Variants in ATXN7 observed in about 807,000 individuals in gnomAD.
The protein encoded by ATXN7 is ataxin-7.
Under a neutral mutation model 70.5 loss-of-function variants are expected in ATXN7, and 12 were observed. That is an observed-to-expected ratio of 0.17 (90% CI 0.11 to 0.28). The LOEUF is 0.28. ATXN7 is among the 10% of genes least tolerant of loss of function. The pLI is 1.00. For synonymous variants in ATXN7, 498 were observed against 448.7 expected, an observed-to-expected ratio of 1.11 and a Z score of -1.39; for missense variants, 1,256 against 1,131.7, an observed-to-expected ratio of 1.11 and a Z score of -1.58.
intron 1 of ATXN7, among the ~76,000 whole-genome samples, chr3:63,881,943 C>G (rs1342034716): frequency 6.6e-6 from 1 of 152,164 alleles, no homozygotes; most frequent in African/African-American, 2.4e-5. Flanking sequence ...GTTGAAAATA[C>G]TTTGGAAGCA....
chr3:63,988,409 G>A (rs137873706), intron 9 of ATXN7, 85 bp downstream of exon 9: 1 of 1,522,804 alleles, frequency 6.6e-7, no homozygotes, highest in African/African-American at 1.4e-5. Flanking sequence ...TCATGCTGTT[G>A]AGAAACATAT....
At chr3:63,909,419 C>G (rs2107287177) in intron 2 of ATXN7, among the ~76,000 whole-genome samples, 1 of 151,842 alleles carries the variant, frequency 6.6e-6, no homozygotes. Flanking sequence ...CACATACACA[C>G]AAAAAAAATT....
chr3:63,901,792 A>G (rs1272643190), intron 2 of ATXN7: 2 of 152,220 alleles, frequency 1.3e-5, no homozygotes, highest in Non-Finnish European at 2.9e-5. Flanking sequence ...TGTATAACAC[A>G]GTGGAATATT....
intron 4 of ATXN7, among the ~76,000 whole-genome samples, chr3:63,943,883 G>C (rs376597272): frequency 6.6e-6 from 1 of 152,104 alleles, no homozygotes; most frequent in Non-Finnish European, 1.5e-5. Flanking sequence ...TCACTCTATT[G>C]CATCAGCCTT....
intron 5 of ATXN7, among the ~76,000 whole-genome samples, chr3:63,977,840 G>A (rs2075414953): frequency 6.6e-6 from 1 of 152,292 alleles, no homozygotes; most frequent in East Asian, 1.9e-4. Context: ...GTAAGGAGGA[G>A]GAGATGATAG....
intron 8 of ATXN7, among the ~76,000 whole-genome samples, chr3:63,986,533 T>C (rs1208397983): frequency 6.6e-6 from 1 of 152,212 alleles, no homozygotes; most frequent in Non-Finnish European, 1.5e-5. Context: ...CATTCGTTCT[T>C]TCAACACACG....
rs1261545027 is a variant in ATXN7, at chr3:63,952,566, A to G, written c.499+83A>G. On this transcript the variant is annotated intron_variant, in intron 5 of 12. Transcript: ENST00000674280. ...AAACTAAGGAACAGTGATGGCATGC[A>G]TGGGACATAATGTCCCTCCCCCACC... 20 of 833,670 alleles carry G rather than the reference A, an allele frequency of 2.4e-5. No individual in the cohort carries two copies. The East Asian group carries it at 5.5e-4, about 23-fold the overall frequency. 51.6% of individuals were successfully genotyped at this position (833,670 alleles called of 1,614,324 possible).
chr3:63,988,704 C>A (rs2075618080), intron 9 of ATXN7, among the ~76,000 whole-genome samples: 1 of 152,160 alleles, frequency 6.6e-6, no homozygotes, highest in Non-Finnish European at 1.5e-5. Flanking sequence ...GGAATTCTTG[C>A]TAGGGACAAG....
intron 4 of ATXN7, among the ~76,000 whole-genome samples, chr3:63,938,669 A>G (rs2074705024): frequency 6.6e-6 from 1 of 152,232 alleles, no homozygotes; most frequent in African/African-American, 2.4e-5. Flanking sequence ...GTCAGCTGTG[A>G]GGCACCATGA....
chr3:63,982,475 C>T lies in ATXN7; in HGVS notation c.1012+30C>T, dbSNP rs376173175. ...CTTCAAATTTTCTTTCTTCATAATG[C>T]TTCTCTATATATTAAATGGGCATTC... On this transcript the variant is annotated intron_variant, in intron 7 of 12. Transcript: ENST00000674280. The T allele has an allele frequency of 2.3e-5, 36 of 1,534,060 alleles. No homozygotes were observed. The African/African-American group carries it at 4.3e-4, about 18-fold the overall frequency.
Position 63,996,073 on chromosome 3 carries a change from A to G in ATXN7, c.2251A>G (p.Thr751Ala). ...HSGPPYPSTV[T>A]SSHSIGLNCV... The stretch of plus-strand genomic sequence containing the variant: ...TGGGCCTCCCTACCCCTCAACGGTA[A>G]CATCTTCCCATAGCATCGGCCTCAA... The change falls in exon 12 of 13, where the codon ACA becomes GCA. Residue 751 changes from threonine to alanine, a missense_variant. Thr to Ala is a moderately conservative substitution (Grantham distance 58, BLOSUM62 0). Transcript: ENST00000674280. 6.2e-7 allele frequency: 1 copy of G among 1,614,188 alleles called. No homozygotes were observed. Among genetic ancestry groups the G allele is most frequent in the East Asian group, 2.2e-5 (1 of 44,878 alleles).
intron 5 of ATXN7, among the ~76,000 whole-genome samples, chr3:63,960,260 C>T (rs1292431910): frequency 1.3e-5 from 2 of 152,142 alleles, no homozygotes; most frequent in African/African-American, 4.8e-5. Context: ...GTGAGGAGGC[C>T]TAAGGACAGT....
chr3:63,971,815 G>A (rs757647907), intron 5 of ATXN7, among the ~76,000 whole-genome samples: 3 of 152,160 alleles, frequency 2.0e-5, no homozygotes, highest in Non-Finnish European at 4.4e-5. Flanking sequence ...TAGATATTGT[G>A]CAGATTTGGA....
intron 1 of ATXN7, among the ~76,000 whole-genome samples, chr3:63,883,479 C>T (rs1575844097): frequency 6.6e-6 from 1 of 152,146 alleles, no homozygotes; most frequent in East Asian, 1.9e-4. Flanking sequence ...ACTAGGTACC[C>T]CTGCTGCTCA....
chr3:63,972,010 T>TA (rs1439229229), intron 5 of ATXN7, among the ~76,000 whole-genome samples: 2 of 152,196 alleles, frequency 1.3e-5, no homozygotes, highest in Non-Finnish European at 2.9e-5. Context: ...CTTAAGGAGT[T>TA]ATAATCCTTG....
intron 4 of ATXN7, among the ~76,000 whole-genome samples, chr3:63,931,658 T>C (rs1445548756): frequency 6.6e-6 from 1 of 152,200 alleles, no homozygotes; most frequent in African/African-American, 2.4e-5. Flanking sequence ...TCAAATACCC[T>C]TGACTGTATT....
chr3:63,916,652 G>A (rs1445855023), intron 4 of ATXN7, among the ~76,000 whole-genome samples: 2 of 152,192 alleles, frequency 1.3e-5, no homozygotes, highest in Non-Finnish European at 2.9e-5. Flanking sequence ...GGTTAATGTT[G>A]TGGCAGAAGG....
At chr3:63,968,796 G>T (rs1378081909) in intron 5 of ATXN7, among the ~76,000 whole-genome samples, 1 of 152,148 alleles carries the variant, frequency 6.6e-6, no homozygotes. Flanking sequence ...CTGTCTTCAT[G>T]CGGGAAGTGA....
chr3:63,877,256 T>C (rs1019034058), intron 1 of ATXN7, among the ~76,000 whole-genome samples: 1 of 152,190 alleles, frequency 6.6e-6, no homozygotes, highest in African/African-American at 2.4e-5. Flanking sequence ...AAATCATAAG[T>C]GTTTGTAGAA....
Sources: allele counts gnomAD v4.1 joint callset (sites outside exome capture counted in the v4.1 genomes callset), GRCh38; gene constraint gnomAD v4.1.1; transcripts MANE v1.5; gene names NCBI Gene and HGNC (gene_info 2026-07-23, HGNC 2026-07-21).